Variants in NGEF observed in about 807,000 individuals in gnomAD.
NGEF encodes ephexin-1.
Under a neutral mutation model 80.9 loss-of-function variants are expected in NGEF, and 31 were observed. That is an observed-to-expected ratio of 0.38 (90% CI 0.29 to 0.52). NGEF has a LOEUF of 0.52. NGEF is among the 20% of genes least tolerant of loss of function. NGEF has a pLI of 0.84. For missense variants in NGEF, 709 were observed against 926.2 expected, an observed-to-expected ratio of 0.77 and a Z score of 3.04; for synonymous variants, 371 against 370.2, an observed-to-expected ratio of 1.00 and a Z score of -0.03.
At chr2:232,946,018 C>CTATATA (rs1453218128) in intron 3 of NGEF, among the ~76,000 whole-genome samples, 3 of 148,780 alleles carry the variant, frequency 2.0e-5, no homozygotes, top group Non-Finnish European at 4.4e-5. Flanking sequence ...TATATATATT[C>CTATATA]TATATATATC....
chr2:232,898,214 G>A (rs1342869618), intron 5 of NGEF, among the ~76,000 whole-genome samples: 1 of 152,224 alleles, frequency 6.6e-6, no homozygotes, highest in Non-Finnish European at 1.5e-5. Flanking sequence ...ATGATACCAA[G>A]GGGAAAACCC....
intron 3 of NGEF, among the ~76,000 whole-genome samples, chr2:232,961,521 C>T (rs1168617392): frequency 1.3e-5 from 2 of 152,084 alleles, no homozygotes; most frequent in Non-Finnish European, 2.9e-5. Flanking sequence ...GAGATGGAGT[C>T]TAGCTCTGTC....
chr2:232,879,867 AG>A (rs1355552574), intron 14 of NGEF, among the ~76,000 whole-genome samples, 188 bp from the exon 15 acceptor site: 2 of 152,198 alleles, frequency 1.3e-5, no homozygotes, highest in Non-Finnish European at 2.9e-5. Context: ...ATAAGCTGGG[AG>A]GTGCATGAGC....
intron 8 of NGEF, among the ~76,000 whole-genome samples, chr2:232,889,399 C>G (rs946427311): frequency 1.3e-5 from 2 of 152,170 alleles, no homozygotes; most frequent in Admixed American, 1.3e-4. Flanking sequence ...CTGGAATGGT[C>G]CCTGACCCGC....
chr2:232,898,520 G>A (rs900873996), intron 5 of NGEF, among the ~76,000 whole-genome samples: 1 of 152,224 alleles, frequency 6.6e-6, no homozygotes, highest in Non-Finnish European at 1.5e-5. Flanking sequence ...CTTCCAGGAT[G>A]TTTGTCTTCA....
intron 3 of NGEF, chr2:232,928,114 C>A (rs1476718541): frequency 2.9e-6 from 3 of 1,029,912 alleles, no homozygotes; most frequent in Admixed American, 5.8e-5. Context: ...CGCGGCTCGA[C>A]CGGAGCTGCA....
chr2:232,961,659 A>AT (rs1380259597), intron 3 of NGEF, among the ~76,000 whole-genome samples: 1 of 142,998 alleles, frequency 7.0e-6, no homozygotes, highest in African/African-American at 2.5e-5. Context: ...CGCCCAGCTA[A>AT]TTTTTTGTAT....
At chr2:232,931,321 A>T (rs527602525) in intron 3 of NGEF, among the ~76,000 whole-genome samples, 1 of 152,208 alleles carries the variant, frequency 6.6e-6, no homozygotes. Flanking sequence ...TTGGTGGCTC[A>T]TACCACGCTT....
rs757830401 is a variant in NGEF at position 232,888,025 on chromosome 2, A to C, written c.1347+8T>G. On this transcript the variant is annotated splice_region_variant and intron_variant, in intron 9 of 14. Coordinates refer to ENST00000264051, the MANE Select transcript of NGEF (RefSeq NM_019850.3). ...TTGGGATACAGCACAAGAGGAGGTG[A>C]GACTCACCATTTCCAGCTCCTTGTG... The C allele has an allele frequency of 1.9e-6, 3 of 1,611,748 alleles. No homozygotes were observed. Among genetic ancestry groups the C allele is most frequent in the Non-Finnish European group, 2.5e-6 (3 of 1,177,912 alleles).
intron 6 of NGEF, among the ~76,000 whole-genome samples, chr2:232,894,413 G>A (rs759744204): frequency 1.3e-5 from 2 of 152,198 alleles, no homozygotes; most frequent in Non-Finnish European, 2.9e-5. Flanking sequence ...CAAGACTCCC[G>A]TGGACCTGCC....
At chr2:232,982,236 G>A (rs543012753) in intron 1 of NGEF, among the ~76,000 whole-genome samples, 12 of 152,308 alleles carry the variant, frequency 7.9e-5, no homozygotes, top group Admixed American at 3.3e-4. Flanking sequence ...CAGGGCATCC[G>A]TGGAGATTGT....
intron 1 of NGEF, among the ~76,000 whole-genome samples, chr2:233,008,692 G>T (rs1049886271): frequency 6.6e-6 from 1 of 152,142 alleles, no homozygotes; most frequent in Non-Finnish European, 1.5e-5. Context: ...TTTGTCTCTG[G>T]TAGGAAACAT....
At chr2:232,884,924 T>C (rs1156285640) in intron 10 of NGEF, 9 of 194,570 alleles carry the variant, frequency 4.6e-5, no homozygotes, top group African/African-American at 1.9e-4. Context: ...TTCCAAATCC[T>C]CCTGGTTTGA....
In NGEF at chr2:232,883,392, G is replaced by A. The variant is rs1206061955; in HGVS notation, c.1676C>T (p.Thr559Met). 6.2e-7 allele frequency: 1 copy of A among 1,612,312 alleles called. No homozygotes were observed. Among genetic ancestry groups the A allele is most frequent in the Non-Finnish European group, 8.5e-7 (1 of 1,179,352 alleles). ...RVEELEDQGQ[T>M]LANVFILRLL... ...CCGCAGGATGAACACGTTGGCCAGC[G>A]TCTGGCCCTGGTCCTCCAGCTCCTC... The change falls in exon 12 of 15, where the codon ACG (threonine) becomes ATG (methionine). Residue 559 changes from threonine (T) to methionine (M), a missense_variant. Thr to Met is a moderately conservative substitution (Grantham distance 81, BLOSUM62 -1). This residue lies in a region of NGEF where 426 missense variants were observed against 622.9 expected (regional missense o/e 0.68). Coordinates refer to ENST00000264051, the MANE Select transcript of NGEF (RefSeq NM_019850.3).
At chr2:232,964,861 T>C (rs1489021836) in intron 3 of NGEF, among the ~76,000 whole-genome samples, 1 of 152,216 alleles carries the variant, frequency 6.6e-6, no homozygotes, top group Non-Finnish European at 1.5e-5. Context: ...TGTTAGAAGA[T>C]GGTTACGTCT....
chr2:232,997,879 C>T (rs1170803598), intron 1 of NGEF, among the ~76,000 whole-genome samples: 8 of 152,192 alleles, frequency 5.3e-5, no homozygotes, highest in African/African-American at 1.7e-4. Flanking sequence ...CGTCACCGAG[C>T]GTTACCAGCA....
In NGEF at chr2:232,879,558, G is replaced by A; in HGVS notation, c.2064C>T (p.His688=). 2 of 1,613,904 alleles carry A rather than the reference G, an allele frequency of 1.2e-6. No individual in the cohort carries two copies. The highest frequency in any genetic ancestry group is 8.5e-7 in the Non-Finnish European group (1 of 1,179,966). Residue 688 remains histidine, a synonymous_variant, in exon 15 of 15, where the codon CAC becomes CAT. Coordinates refer to ENST00000264051, the MANE Select transcript of NGEF (RefSeq NM_019850.3). ...GGCTGCGCTGAGGGTCATCCATCTTGTGGACACGGAAACATTCCTTGAGGT... is the reference window on the plus strand; with the variant it reads ...GGCTGCGCTGAGGGTCATCCATCTTATGGACACGGAAACATTCCTTGAGGT... ...SQNLKECFRV[H]KMDDPQRSQN...
chr2:232,929,794 G>C (rs894350486), intron 3 of NGEF, among the ~76,000 whole-genome samples: 1 of 152,176 alleles, frequency 6.6e-6, no homozygotes, highest in Non-Finnish European at 1.5e-5. Context: ...GTTCGGCTGT[G>C]TCCCCACCCA....
chr2:233,005,451 T>C (rs1695065268), intron 1 of NGEF, among the ~76,000 whole-genome samples: 1 of 152,244 alleles, frequency 6.6e-6, no homozygotes, highest in Non-Finnish European at 1.5e-5. Flanking sequence ...GACCACTCCT[T>C]CCAGCGTGGA....
Sources: gnomAD v4.1 joint callset for allele counts (sites outside exome capture counted in the v4.1 genomes callset) on GRCh38, gnomAD v4.1.1 for gene constraint, gnomAD v4.1.1 regional missense constraint, MANE v1.5 for transcripts, NCBI Gene and HGNC (gene_info 2026-07-23, HGNC 2026-07-21) for gene names.